SLC39A11: variants seen among roughly 807,000 people sequenced by gnomAD.
The protein encoded by SLC39A11 is zinc transporter ZIP11.
In SLC39A11, 33 loss-of-function variants were observed where a neutral mutation model predicts 36.1. The ratio of observed to expected loss-of-function variants is 0.91; its 90% CI spans 0.69 to 1.22. The LOEUF (loss-of-function observed/expected upper bound fraction) is 1.22, where lower values mean the gene tolerates loss of function less well. SLC39A11 is among the 50% of genes most tolerant of loss of function. The pLI, the probability that SLC39A11 is intolerant of heterozygous loss-of-function variation, is 0.00. For missense variants in SLC39A11, 432 were observed against 430.3 expected (o/e 1.00, Z -0.03); for synonymous variants, 166 against 170.3 (o/e 0.97, Z 0.20).
At chr17:73,037,192 G>A (rs572745613) in intron 3 of SLC39A11, among the ~76,000 whole-genome samples, 5 of 152,298 alleles carry the variant, frequency 3.3e-5, no homozygotes, top group African/African-American at 9.6e-5. Flanking sequence ...ATAAACACCC[G>A]TGTGCAGGTA....
At chr17:72,866,112 A>G (rs539217276) in intron 5 of SLC39A11, among the ~76,000 whole-genome samples, 13 of 152,260 alleles carry the variant, frequency 8.5e-5, no homozygotes, top group African/African-American at 2.9e-4. Context: ...CAAGCAGTTG[A>G]AGCTTCATCT....
At chr17:72,727,588 G>A (rs991937736) in intron 7 of SLC39A11, among the ~76,000 whole-genome samples, 1 of 149,174 alleles carries the variant, frequency 6.7e-6, no homozygotes, top group African/African-American at 2.5e-5. Flanking sequence ...GGAGGTGGAG[G>A]TTGCAGTGAG....
rs577275141 is a variant in SLC39A11, at chr17:73,002,287, G to C, written c.306+29269C>G. On this transcript the variant is annotated intron_variant, in intron 4 of 9. Coordinates refer to ENST00000255559, the MANE Select transcript of SLC39A11 (RefSeq NM_139177.4). ...ATTTAATCCTTATAACAATTCCTAT[G>C]AAGTAGGTATTGGGGCTTAAAGGGG... is the stretch of plus-strand genomic sequence containing the variant. 2.0e-5 allele frequency among the ~76,000 whole-genome samples: 3 copies of C among 152,264 alleles called. No individual in the cohort carries two copies. The East Asian group carries it at 5.8e-4, about 29-fold the overall frequency.
At chr17:73,044,852 G>A (rs1428301916) in intron 3 of SLC39A11, among the ~76,000 whole-genome samples, 1 of 148,704 alleles carries the variant, frequency 6.7e-6, no homozygotes. Flanking sequence ...ACTCCAGCCT[G>A]GGTGATAGAG....
At chr17:73,048,106 T>A (rs1182786620) in intron 3 of SLC39A11, among the ~76,000 whole-genome samples, 6 of 149,912 alleles carry the variant, frequency 4.0e-5, no homozygotes, top group Non-Finnish European at 8.9e-5. Context: ...AGGGTACAGG[T>A]ACAGCTTTGT....
chr17:73,004,990 G>C (rs2090102147), intron 4 of SLC39A11, among the ~76,000 whole-genome samples: 2 of 150,766 alleles, frequency 1.3e-5, no homozygotes, highest in South Asian at 4.3e-4. Context: ...GTCATGTTTT[G>C]TTTGTTTGTT....
intron 6 of SLC39A11, among the ~76,000 whole-genome samples, chr17:72,756,367 ACC>A: frequency 6.6e-6 from 1 of 152,222 alleles, no homozygotes; most frequent in Non-Finnish European, 1.5e-5. Context: ...AGCAGCTCAA[ACC>A]TGGAAGCAAC....
chr17:72,973,359 G>A (rs1385388372), intron 4 of SLC39A11, among the ~76,000 whole-genome samples: 2 of 151,746 alleles, frequency 1.3e-5, no homozygotes, highest in African/African-American at 2.4e-5. Context: ...GATGGCTGTC[G>A]CACCCCAAGG....
chr17:72,963,459 C>T lies in SLC39A11; in HGVS notation c.307-15584G>A, dbSNP rs534760796. Among the ~76,000 whole-genome samples, 5 of 152,148 alleles carry T rather than the reference C, an allele frequency of 3.3e-5. No homozygotes were observed. The South Asian group carries it at 1.0e-3, about 32-fold the overall frequency. ...TGCTGGGATTACAGGCGTGAGCCAC[C>T]GCGCCCGGCCACTGTGGGGTATAAT... On this transcript the variant is annotated intron_variant, in intron 4 of 9. Coordinates refer to ENST00000255559, the MANE Select transcript of SLC39A11 (RefSeq NM_139177.4).
intron 7 of SLC39A11, among the ~76,000 whole-genome samples, chr17:72,658,483 C>T (rs1478593108): frequency 2.0e-5 from 3 of 152,176 alleles, no homozygotes; most frequent in Non-Finnish European, 4.4e-5. Flanking sequence ...TTCTTAGAGG[C>T]CTGACCCTGT....
intron 5 of SLC39A11, among the ~76,000 whole-genome samples, chr17:72,926,494 T>C (rs903508943): frequency 6.6e-6 from 1 of 151,040 alleles, no homozygotes; most frequent in Non-Finnish European, 1.5e-5. Flanking sequence ...AGTAATTGCT[T>C]TGAATGTTTT....
chr17:72,855,543 G>T (rs540305111), intron 5 of SLC39A11, among the ~76,000 whole-genome samples: 2 of 151,884 alleles, frequency 1.3e-5, no homozygotes, highest in Non-Finnish European at 2.9e-5. Context: ...ATGAAGAGTG[G>T]CCAGCAACAT....
At chr17:72,761,437 T>C (rs541890309) in intron 6 of SLC39A11, among the ~76,000 whole-genome samples, 70 of 152,336 alleles carry the variant, frequency 4.6e-4, no homozygotes, top group African/African-American at 1.7e-3. Context: ...TTTTAAGTTC[T>C]ATTAAAGCAT....
intron 7 of SLC39A11, among the ~76,000 whole-genome samples, chr17:72,732,035 C>CTT (rs1838992557): frequency 2.3e-5 from 1 of 43,304 alleles, no homozygotes; most frequent in African/African-American, 7.6e-5. Flanking sequence ...TTTTTCTTTT[C>CTT]TTTTCTTTTT....
chr17:72,823,288 T>C (rs372661913), intron 6 of SLC39A11, among the ~76,000 whole-genome samples: 3 of 151,250 alleles, frequency 2.0e-5, no homozygotes, highest in Admixed American at 2.0e-4. Flanking sequence ...TTACCCAGAG[T>C]GCCAGGAGCC....
At chr17:72,965,075 G>A (rs2086870504) in intron 4 of SLC39A11, among the ~76,000 whole-genome samples, 2 of 151,892 alleles carry the variant, frequency 1.3e-5, no homozygotes, top group South Asian at 4.2e-4. Flanking sequence ...ACACAGGAAG[G>A]GGAACATCAC....
chr17:72,998,692 ATC>A lies in SLC39A11; in HGVS notation c.306+32862_306+32863del, dbSNP rs370379102. Among the ~76,000 whole-genome samples the A allele has an allele frequency of 4.0e-3, 602 of 152,356 alleles. 5 individuals carry two copies. Among genetic ancestry groups the A allele is most frequent in the African/African-American group, 0.014 (574 of 41,582 alleles). On this transcript the variant is annotated intron_variant, in intron 4 of 9. Coordinates refer to ENST00000255559, the MANE Select transcript of SLC39A11 (RefSeq NM_139177.4). Reference sequence around the variant, plus strand: ...GAAAAAGTCTCAAGTCCAGACTCACATCTCTATGTGGTTTTGACACATGCAGC... The same window carrying A: ...GAAAAAGTCTCAAGTCCAGACTCACATCTATGTGGTTTTGACACATGCAGC...
chr17:72,796,938 C>G (rs181613720), intron 6 of SLC39A11, among the ~76,000 whole-genome samples: 28 of 152,158 alleles, frequency 1.8e-4, no homozygotes, highest in Non-Finnish European at 3.2e-4. Context: ...TACAAGGTGG[C>G]AAGTGCCAAA....
At chr17:72,754,030 A>ATATATATATATGTATATATG (rs2075262920) in intron 6 of SLC39A11, among the ~76,000 whole-genome samples, 1 of 114,848 alleles carries the variant, frequency 8.7e-6, no homozygotes, top group Non-Finnish European at 1.7e-5. Flanking sequence ...GTATATATAT[A>ATATATATATATGTATATATG]TATATATATA....
Sources: allele counts gnomAD v4.1 joint callset (sites outside exome capture counted in the v4.1 genomes callset), GRCh38; gene constraint gnomAD v4.1.1; transcripts MANE v1.5; gene names NCBI Gene and HGNC (gene_info 2026-07-23, HGNC 2026-07-21).